The following CPPED1 variants were observed in gnomAD, a reference collection of about 807,000 sequenced individuals.
The protein encoded by CPPED1 is serine/threonine-protein phosphatase CPPED1.
Under a neutral mutation model 28.0 loss-of-function variants are expected in CPPED1, and 28 were observed. That is an observed-to-expected ratio of 1.00 (90% confidence interval 0.74 to 1.37). CPPED1 has a LOEUF of 1.37. Ranked by LOEUF, CPPED1 falls within the 40% of genes most tolerant of loss-of-function variation. The pLI, the probability that CPPED1 is intolerant of heterozygous loss-of-function variation, is 0.00. For synonymous variants in CPPED1, 198 were observed against 180.2 expected (o/e 1.10, Z -0.79); for missense variants, 504 against 416.5 (o/e 1.21, Z -1.83).
At position 12,794,252 on chromosome 16, in the gene CPPED1, A is replaced by C. The variant is rs1383417884; in HGVS notation, c.70+9455T>G. On this transcript the variant is annotated intron_variant, in intron 1 of 3. Coordinates refer to ENST00000381774, the MANE Select transcript of CPPED1 (RefSeq NM_018340.3). ...CAGGGTTTCTTCTTGGATTAAGGAA[A>C]ATGTTCTAAAATTGATTGTGATGGT... 2.0e-5 allele frequency among the ~76,000 whole-genome samples: 3 copies of C among 152,044 alleles called. No homozygotes were observed. In the East Asian group the frequency reaches 5.8e-4, roughly 29 times the overall value.
intron 3 of CPPED1, among the ~76,000 whole-genome samples, chr16:12,672,412 G>A (rs1008868505): frequency 2.0e-5 from 3 of 152,222 alleles, no homozygotes; most frequent in African/African-American, 7.2e-5. Context: ...TGGAAGACCT[G>A]TTAAATGACA....
At chr16:12,797,352 A>G (rs930306532) in intron 1 of CPPED1, among the ~76,000 whole-genome samples, 1 of 152,168 alleles carries the variant, frequency 6.6e-6, no homozygotes, top group South Asian at 2.1e-4. Context: ...AGAGTTCAAG[A>G]CTAACCTGAG....
chr16:12,694,116 G>C (rs895861196), intron 3 of CPPED1, among the ~76,000 whole-genome samples: 8 of 152,146 alleles, frequency 5.3e-5, no homozygotes, highest in African/African-American at 1.7e-4. Context: ...TGAGGCAGGA[G>C]AATCACTTGA....
intron 3 of CPPED1, 88 bp downstream of exon 3, chr16:12,704,536 C>T (rs2080037361): frequency 2.9e-6 from 4 of 1,366,118 alleles, no homozygotes; most frequent in East Asian, 2.3e-5. Flanking sequence ...CCCTTTTTGA[C>T]ACATTGCAGA....
Position 12,709,330 on chromosome 16 carries a change from C to T in CPPED1, c.290-4281G>A, listed in dbSNP as rs959069238. ...GCAGAGAAGGATTGTTCTGGGGTCT[C>T]CAAGGTGGATAAGAGGTATCTGCTG... On this transcript the variant is annotated intron_variant, in intron 2 of 3. Coordinates refer to ENST00000381774, the MANE Select transcript of CPPED1 (RefSeq NM_018340.3). The surrounding 1 kb of genome is among the most constrained non-coding windows in gnomAD (Gnocchi z 4.4). Among the ~76,000 whole-genome samples, 1 of 152,012 alleles carries T rather than the reference C, an allele frequency of 6.6e-6. No homozygotes were observed. The highest frequency in any genetic ancestry group is 6.6e-5 in the Admixed American group (1 of 15,254).
At chr16:12,789,789 G>A (rs1245941223) in intron 1 of CPPED1, among the ~76,000 whole-genome samples, 2 of 152,108 alleles carry the variant, frequency 1.3e-5, no homozygotes, top group Admixed American at 1.3e-4. Context: ...GACCTCCCAA[G>A]GTGCTAGGAT....
chr16:12,756,897 G>C (rs1372166341), intron 2 of CPPED1, among the ~76,000 whole-genome samples: 3 of 152,110 alleles, frequency 2.0e-5, no homozygotes, highest in Admixed American at 6.5e-5. Flanking sequence ...TCCCCCTAGA[G>C]AGTATTAAAC....
intron 2 of CPPED1, among the ~76,000 whole-genome samples, chr16:12,733,538 G>T (rs1274207523): frequency 2.0e-5 from 3 of 152,188 alleles, no homozygotes; most frequent in Non-Finnish European, 2.9e-5. Flanking sequence ...GCCTCCCAAA[G>T]TGCTGGGATT....
At chr16:12,673,595 G>T (rs571526814) in intron 3 of CPPED1, among the ~76,000 whole-genome samples, 1 of 152,120 alleles carries the variant, frequency 6.6e-6, no homozygotes, top group African/African-American at 2.4e-5. Context: ...CTCAGAGCGG[G>T]TCTCCCCAGA....
intron 3 of CPPED1, among the ~76,000 whole-genome samples, chr16:12,701,025 T>A (rs894184006): frequency 8.4e-4 from 128 of 152,098 alleles, no homozygotes; most frequent in African/African-American, 2.6e-3. Context: ...GCCAGGAATT[T>A]GATATCAGCC....
intron 2 of CPPED1, among the ~76,000 whole-genome samples, chr16:12,774,957 T>A (rs2011287): frequency 0.69 from 104,599 of 151,942 alleles, 36,148 homozygotes; most frequent in African/African-American, 0.75. Flanking sequence ...AGTAGCTGGG[T>A]CTACAGGTGT....
intron 2 of CPPED1, among the ~76,000 whole-genome samples, chr16:12,708,307 G>A (rs2080062349): frequency 1.3e-5 from 2 of 152,104 alleles, no homozygotes; most frequent in African/African-American, 2.4e-5. Context: ...AAGCTGCATG[G>A]CCTTAGGTAA....
At chr16:12,694,197 C>A (rs988176042) in intron 3 of CPPED1, among the ~76,000 whole-genome samples, 9 of 152,030 alleles carry the variant, frequency 5.9e-5, no homozygotes, top group South Asian at 2.1e-4. Context: ...CAGAGTGAGA[C>A]CCTCTCACAA....
In CPPED1 at chr16:12,664,325, G is replaced by A; in HGVS notation, c.*561C>T. On this transcript the variant is annotated 3_prime_UTR_variant, in exon 4 of 4. Coordinates refer to ENST00000381774, the MANE Select transcript of CPPED1 (RefSeq NM_018340.3). The surrounding 1 kb of genome is among the most constrained non-coding windows in gnomAD (Gnocchi z 4.2). ...TCCTATCATCAGAAGTCTCAGAATT[G>A]AACAGTAAATGGTGCCTACTTGGCT... The A allele has an allele frequency of 1.0e-6, 1 of 971,378 alleles. No individual in the cohort carries two copies. The highest frequency in any genetic ancestry group is 1.2e-6 in the Non-Finnish European group (1 of 816,696). The allele number at this position is 971,378 out of a possible 1,614,324, so 60.2% of individuals were successfully genotyped here. A position where few individuals can be genotyped will look rare whatever the true frequency, so the allele number is the denominator to read the frequency against.
At chr16:12,685,261 C>A (rs936158108) in intron 3 of CPPED1, among the ~76,000 whole-genome samples, 1 of 152,144 alleles carries the variant, frequency 6.6e-6, no homozygotes, top group Admixed American at 6.5e-5. Flanking sequence ...ACCAGCCTGG[C>A]CAACATGGTG....
At chr16:12,715,869 C>G (rs374883496) in intron 2 of CPPED1, among the ~76,000 whole-genome samples, 1 of 152,136 alleles carries the variant, frequency 6.6e-6, no homozygotes, top group African/African-American at 2.4e-5. Context: ...ACCTGCAGCC[C>G]GTATGCAGCC....
intron 3 of CPPED1, among the ~76,000 whole-genome samples, chr16:12,679,867 A>C (rs2079896286): frequency 6.6e-6 from 1 of 152,192 alleles, no homozygotes; most frequent in South Asian, 2.1e-4. Context: ...TGTCTTTCTA[A>C]AAGAAATGCA....
chr16:12,743,677 G>A (rs2080267786), intron 2 of CPPED1, among the ~76,000 whole-genome samples: 1 of 152,192 alleles, frequency 6.6e-6, no homozygotes, highest in African/African-American at 2.4e-5. Context: ...AGAGAATGCA[G>A]AGAAATGGAA....
chr16:12,708,046 C>G lies in CPPED1; in HGVS notation c.290-2997G>C, dbSNP rs143955420. 8.6e-3 allele frequency among the ~76,000 whole-genome samples: 1,310 copies of G among 152,258 alleles called. 14 individuals are homozygous for G. The highest frequency in any genetic ancestry group is 0.03 in the African/African-American group (1,237 of 41,542). On this transcript the variant is annotated intron_variant, in intron 2 of 3. Transcript: ENST00000381774. ...CCTGTTGTCCCAGCTACTCGGGAGG[C>G]TGAGGCAGGAGAATCGCTTGAACCC... is the stretch of plus-strand genomic sequence containing the variant.
Sources: gnomAD v4.1 joint callset for allele counts (sites outside exome capture counted in the v4.1 genomes callset) on GRCh38, gnomAD v4.1.1 for gene constraint, Gnocchi (gnomAD v3.1) non-coding constraint, MANE v1.5 for transcripts, NCBI Gene and HGNC (gene_info 2026-07-23, HGNC 2026-07-21) for gene names.